Variants in C10orf90 observed in about 807,000 individuals in gnomAD.
C10orf90 encodes the protein chromosome 10 open reading frame 90.
A neutral mutation model predicts 62.5 loss-of-function variants in C10orf90; 56 were observed. The observed-to-expected ratio is 0.90, with a 90% CI of 0.72 to 1.12. C10orf90 has a LOEUF of 1.12. Ranked by LOEUF, C10orf90 falls within the 50% of genes most tolerant of loss-of-function variation. The probability of loss-of-function intolerance (pLI) is 0.00; values close to 1 mark genes in which losing one functional copy is unlikely to be tolerated. For missense variants in C10orf90, 970 were observed against 880.4 expected (o/e 1.10, Z -1.29); for synonymous variants, 386 against 340.4 (o/e 1.13, Z -1.47).
chr10:126,436,311 T>C (rs1187121829), intron 7 of C10orf90, among the ~76,000 whole-genome samples: 1 of 152,208 alleles, frequency 6.6e-6, no homozygotes, highest in Non-Finnish European at 1.5e-5. Flanking sequence ...AATGAGCACA[T>C]TGTTGAATTT....
chr10:126,438,224 C>G (rs1035612120), intron 7 of C10orf90, among the ~76,000 whole-genome samples: 4 of 152,174 alleles, frequency 2.6e-5, no homozygotes, highest in African/African-American at 9.7e-5. Flanking sequence ...GGACCCTCAG[C>G]CATCCCTTCC....
chr10:126,638,747 A>AC (rs1490495750), intron 2 of C10orf90, among the ~76,000 whole-genome samples: 2 of 151,858 alleles, frequency 1.3e-5, no homozygotes, highest in Non-Finnish European at 2.9e-5. Flanking sequence ...AACCAAAGTC[A>AC]CCCCGCCCTC....
intron 3 of C10orf90, among the ~76,000 whole-genome samples, chr10:126,512,948 C>G (rs1428798243): frequency 1.3e-5 from 2 of 152,120 alleles, no homozygotes; most frequent in Admixed American, 6.5e-5. Flanking sequence ...AAAGTAATAC[C>G]TAACACAAGC....
intron 2 of C10orf90, among the ~76,000 whole-genome samples, chr10:126,554,103 A>C (rs1864702297): frequency 6.6e-6 from 1 of 152,168 alleles, no homozygotes; most frequent in Admixed American, 6.5e-5. Flanking sequence ...CTTTGTTCAT[A>C]ACAGCCACAC....
chr10:126,490,035 A>AT (rs1439793423), intron 4 of C10orf90, among the ~76,000 whole-genome samples: 1 of 112,974 alleles, frequency 8.9e-6, no homozygotes, highest in African/African-American at 3.4e-5. Context: ...TATAATATAT[A>AT]ATATATATTA....
chr10:126,572,696 A>G (rs1409367719), intron 2 of C10orf90, among the ~76,000 whole-genome samples: 1 of 152,090 alleles, frequency 6.6e-6, no homozygotes, highest in African/African-American at 2.4e-5. Context: ...CCGACCTCCT[A>G]TCTCATCCTG....
rs200826428 is a variant in C10orf90 at position 126,505,060 on chromosome 10, T to C, written c.431A>G (p.Lys144Arg). The C allele has an allele frequency of 1.2e-6, 2 of 1,609,186 alleles. No individual in the cohort carries two copies. The highest frequency in any genetic ancestry group is 2.7e-5 in the African/African-American group (2 of 74,816). The change falls in exon 4 of 10, where the codon AAA becomes AGA. Residue 144 changes from lysine (K) to arginine (R), a missense_variant. Lys to Arg is a conservative substitution (Grantham distance 26, BLOSUM62 2). Coordinates refer to ENST00000488181, the MANE Select transcript of C10orf90 (RefSeq NM_001350921.2). Reference sequence around the variant, plus strand: ...GGAGATGACTATGGATGAAATCATTTTTGTGTTTTGTGATGCCAGGGTCTC... The same window carrying C: ...GGAGATGACTATGGATGAAATCATTCTTGTGTTTTGTGATGCCAGGGTCTC... ...TKETLASQNT[K>R]MISSIVISQM...
chr10:126,621,113 T>TTA (rs1206667407), intron 2 of C10orf90, among the ~76,000 whole-genome samples: 1 of 152,250 alleles, frequency 6.6e-6, no homozygotes, highest in East Asian at 1.9e-4. Context: ...TTAGAATAGA[T>TTA]AATACTGCTA....
At chr10:126,458,478 C>T (rs1044227261) in intron 7 of C10orf90, among the ~76,000 whole-genome samples, 1 of 152,132 alleles carries the variant, frequency 6.6e-6, no homozygotes, top group African/African-American at 2.4e-5. Flanking sequence ...TGAGGTTAGT[C>T]TTGCTCCCAG....
chr10:126,554,695 G>A lies in C10orf90; in HGVS notation c.314-40756C>T, dbSNP rs918578310. On this transcript the variant is annotated intron_variant, in intron 2 of 9. Coordinates refer to ENST00000488181, the MANE Select transcript of C10orf90 (RefSeq NM_001350921.2). ...GCTACCAACTTTCTCTGGAAACACT[G>A]CAGAGGCAGTACAATATTTTTAAAG... Among the ~76,000 whole-genome samples, 3 of 152,168 alleles carry A rather than the reference G, an allele frequency of 2.0e-5. No homozygotes were observed. In the East Asian group the frequency reaches 5.8e-4, roughly 29 times the overall value.
intron 5 of C10orf90, among the ~76,000 whole-genome samples, chr10:126,464,219 G>C (rs1044468833): frequency 3.9e-5 from 6 of 152,176 alleles, no homozygotes; most frequent in African/African-American, 1.4e-4. Context: ...GGGAGGCTGA[G>C]TTTGGGACCT....
chr10:126,541,912 G>T (rs1233288924), intron 2 of C10orf90, among the ~76,000 whole-genome samples: 1 of 152,092 alleles, frequency 6.6e-6, no homozygotes. Flanking sequence ...GCCAAAAAGT[G>T]GAATCAACCC....
chr10:126,435,528 C>A (rs1457552711), intron 7 of C10orf90, among the ~76,000 whole-genome samples: 1 of 152,112 alleles, frequency 6.6e-6, no homozygotes, highest in Non-Finnish European at 1.5e-5. Flanking sequence ...GAAGAGAACG[C>A]CCCACCATGA....
At chr10:126,538,334 G>A (rs1430037999) in intron 2 of C10orf90, among the ~76,000 whole-genome samples, 1 of 152,120 alleles carries the variant, frequency 6.6e-6, no homozygotes, top group African/African-American at 2.4e-5. Flanking sequence ...ATGAGATTTG[G>A]GTGGGGACAC....
chr10:126,456,288 C>CT lies in C10orf90; in HGVS notation c.2188+2751_2188+2752insA, dbSNP rs1453348442. 6.6e-6 allele frequency among the ~76,000 whole-genome samples: 1 copy of CT among 152,090 alleles called. No individual in the cohort carries two copies. Among genetic ancestry groups the CT allele is most frequent in the Non-Finnish European group, 1.5e-5 (1 of 68,018 alleles). Reference sequence around the variant, plus strand: ...GCTGTCTGATTTCACTGACCTAACACAAACGAACCCAAAAGTAAAGCTCTC... The same window carrying CT: ...GCTGTCTGATTTCACTGACCTAACACTAAACGAACCCAAAAGTAAAGCTCTC... On this transcript the variant is annotated intron_variant, in intron 7 of 9. Coordinates refer to ENST00000488181, the MANE Select transcript of C10orf90 (RefSeq NM_001350921.2). The surrounding 1 kb of genome is among the most constrained non-coding windows in gnomAD (Gnocchi z 4.9).
rs1268967568 is a variant in C10orf90 at position 126,489,981 on chromosome 10, ATATATATAATATATAT to A, written c.1534+13960_1534+13975del. Among the ~76,000 whole-genome samples the A allele has an allele frequency of 3.5e-4, 40 of 112,858 alleles. 1 individual carries two copies. Among genetic ancestry groups the A allele is most frequent in the African/African-American group, 1.3e-3 (40 of 29,800 alleles). The allele number at this position is 112,858 out of a possible 152,430, so 74.0% of individuals were successfully genotyped here. The stretch of plus-strand genomic sequence containing the variant: ...GTGTGTGTGTATATATACATATAAT[ATATATATAATATATAT>A]TATATATTATATATATTATATATAA... On this transcript the variant is annotated intron_variant, in intron 4 of 9. Coordinates refer to ENST00000488181, the MANE Select transcript of C10orf90 (RefSeq NM_001350921.2).
intron 7 of C10orf90, among the ~76,000 whole-genome samples, chr10:126,442,451 C>T (rs1411660576): frequency 1.0e-5 from 1 of 97,566 alleles, no homozygotes; most frequent in African/African-American, 4.2e-5. Flanking sequence ...GACAGCAACA[C>T]AATAATAGTA....
At chr10:126,595,530 G>A (rs1035868933) in intron 2 of C10orf90, among the ~76,000 whole-genome samples, 8 of 152,286 alleles carry the variant, frequency 5.3e-5, no homozygotes, top group African/African-American at 1.7e-4. Flanking sequence ...GGAATCTCCC[G>A]CAGCTCTCCA....
At chr10:126,451,886 A>G (rs1859226002) in intron 7 of C10orf90, among the ~76,000 whole-genome samples, 1 of 152,152 alleles carries the variant, frequency 6.6e-6, no homozygotes, top group Non-Finnish European at 1.5e-5. Flanking sequence ...TATCAAATTC[A>G]TAGAAGTAGA....
Sources: gnomAD v4.1 joint callset for allele counts (sites outside exome capture counted in the v4.1 genomes callset) on GRCh38, gnomAD v4.1.1 for gene constraint, Gnocchi (gnomAD v3.1) non-coding constraint, MANE v1.5 for transcripts, NCBI Gene and HGNC (gene_info 2026-07-23, HGNC 2026-07-21) for gene names.